Variants in ZNF680 observed in about 807,000 individuals in gnomAD.
ZNF680 encodes zinc finger protein 680.
ZNF680 carries 6 observed loss-of-function variants against 12.1 expected under a neutral mutation model. The observed-to-expected ratio is 0.49, with a 90% CI of 0.27 to 0.98. The LOEUF is 0.98. Ranked by LOEUF, ZNF680 falls within the 50% of genes least tolerant of loss-of-function variation. ZNF680 has a pLI of 0.12. For missense variants in ZNF680, 561 were observed against 616.3 expected (o/e 0.91, Z 0.95); for synonymous variants, 170 against 199.3 (o/e 0.85, Z 1.24).
At chr7:64,510,056 T>C in the ZNF680 span, among the ~76,000 whole-genome samples, 1 of 149,752 alleles carries the variant, frequency 6.7e-6, no homozygotes, top group Non-Finnish European at 1.5e-5. Flanking sequence ...TTATATTCTC[T>C]TGCATAAGGG....
At chr7:64,558,232 G>T (rs961876813) in intron 1 of ZNF680, among the ~76,000 whole-genome samples, 5 of 152,084 alleles carry the variant, frequency 3.3e-5, no homozygotes, top group Non-Finnish European at 5.9e-5. Flanking sequence ...ATATGCAGGA[G>T]ACTATAAACA....
At chr7:64,548,105 T>C (rs1219494953) in intron 1 of ZNF680, among the ~76,000 whole-genome samples, 1 of 152,222 alleles carries the variant, frequency 6.6e-6, no homozygotes, top group Non-Finnish European at 1.5e-5. Context: ...TTTTCTAAGC[T>C]TACCTAAGAG....
At chr7:64,528,842 C>T (rs1052946604) in intron 3 of ZNF680, among the ~76,000 whole-genome samples, 1 of 152,150 alleles carries the variant, frequency 6.6e-6, no homozygotes, top group African/African-American at 2.4e-5. Flanking sequence ...CTGGAAAGCA[C>T]CACTTCCCAG....
intron 1 of ZNF680, among the ~76,000 whole-genome samples, chr7:64,561,814 A>G (rs1787752389): frequency 6.6e-6 from 1 of 151,628 alleles, no homozygotes; most frequent in Non-Finnish European, 1.5e-5. Context: ...GGGCGCCTGT[A>G]GTCCCAGCTA....
chr7:64,503,827 C>A, the ZNF680 span, among the ~76,000 whole-genome samples: 3 of 152,178 alleles, frequency 2.0e-5, no homozygotes, highest in African/African-American at 4.8e-5. Context: ...CCACACATCA[C>A]TTCCACTCAC....
chr7:64,533,198 T>C (rs1158260642), intron 3 of ZNF680, among the ~76,000 whole-genome samples: 2 of 152,130 alleles, frequency 1.3e-5, no homozygotes, highest in Admixed American at 6.6e-5. Flanking sequence ...ATAAAGGGCA[T>C]CCAAATCAGT....
At position 64,562,955 on chromosome 7, in the gene ZNF680, C is replaced by T. The variant is rs761773209; in HGVS notation, c.-1G>A. The T allele has an allele frequency of 1.9e-6, 3 of 1,613,730 alleles. No homozygotes were observed. The East Asian group carries it at 6.7e-5, about 36-fold the overall frequency. ...CTAGGCTTCCAGGTGGTCCTGGCAT[C>T]TTAGCTGTGCATCTCCCAATACCTG... On this transcript the variant is annotated 5_prime_UTR_variant, in exon 1 of 4. Coordinates refer to ENST00000309683, the MANE Select transcript of ZNF680 (RefSeq NM_178558.5).
At chr7:64,554,587 T>C (rs996258247) in intron 1 of ZNF680, among the ~76,000 whole-genome samples, 2 of 152,108 alleles carry the variant, frequency 1.3e-5, no homozygotes, top group African/African-American at 4.8e-5. Context: ...AGAGATCGGA[T>C]TGTTTCTGTG....
downstream of ZNF680, among the ~76,000 whole-genome samples, chr7:64,516,711 T>C (rs968696562): frequency 1.3e-5 from 2 of 152,086 alleles, no homozygotes; most frequent in African/African-American, 2.4e-5. Context: ...ACAGAACATA[T>C]GATAGGCCAA....
chr7:64,553,622 C>G (rs901626484), intron 1 of ZNF680, among the ~76,000 whole-genome samples: 2 of 152,242 alleles, frequency 1.3e-5, no homozygotes, highest in Admixed American at 6.5e-5. Flanking sequence ...TCTCCTGTCT[C>G]CCTCTGATGC....
intron 3 of ZNF680, among the ~76,000 whole-genome samples, chr7:64,541,049 CAAT>C (rs1480966856): frequency 1.3e-5 from 2 of 152,032 alleles, no homozygotes; most frequent in African/African-American, 2.4e-5. Context: ...AGAAGCAAAA[CAAT>C]AGTCTTGCAT....
At chr7:64,547,586 A>G (rs1786851459) in intron 1 of ZNF680, among the ~76,000 whole-genome samples, 1 of 152,188 alleles carries the variant, frequency 6.6e-6, no homozygotes, top group African/African-American at 2.4e-5. Context: ...ATCTCAGGAT[A>G]AAGAGCCCAG....
chr7:64,512,876 C>CT, the ZNF680 span, among the ~76,000 whole-genome samples: 1 of 151,882 alleles, frequency 6.6e-6, no homozygotes, highest in African/African-American at 2.4e-5. Context: ...GCTGTGGTAC[C>CT]TTTCAGTTTA....
chr7:64,552,612 G>C (rs904919989), intron 1 of ZNF680, among the ~76,000 whole-genome samples: 5 of 152,036 alleles, frequency 3.3e-5, no homozygotes, highest in African/African-American at 9.7e-5. Context: ...TTGGTAATAA[G>C]TTTTATTTGG....
chr7:64,534,766 G>A (rs1266948076), intron 3 of ZNF680, among the ~76,000 whole-genome samples: 2 of 152,176 alleles, frequency 1.3e-5, no homozygotes, highest in Admixed American at 1.3e-4. Flanking sequence ...CAACCCAAAT[G>A]CCCATCAATC....
intron 1 of ZNF680, among the ~76,000 whole-genome samples, chr7:64,554,196 C>T (rs1443787133): frequency 1.3e-5 from 2 of 150,810 alleles, no homozygotes; most frequent in Middle Eastern, 3.4e-3. Flanking sequence ...TCTGCCCCGC[C>T]GCCCCGTCTG....
At chr7:64,523,727 C>G (rs7793429) in intron 3 of ZNF680, among the ~76,000 whole-genome samples, 34,202 of 151,622 alleles carry the variant, frequency 0.23, 4,049 homozygotes, top group South Asian at 0.28. Flanking sequence ...TCCTGGCTAA[C>G]ATGGTGAAAC....
Position 64,547,312 on chromosome 7 carries a change from T to C in ZNF680, c.31-2880A>G, listed in dbSNP as rs73130771. Among the ~76,000 whole-genome samples the C allele has an allele frequency of 6.8e-3, 1,038 of 152,312 alleles. 11 individuals are homozygous for C. Among genetic ancestry groups the C allele is most frequent in the South Asian group, 0.039 (187 of 4,826 alleles). On this transcript the variant is annotated intron_variant, in intron 1 of 3. Transcript: ENST00000309683. ...ACAGACTCCCTTAAACTCAGCACTC[T>C]TGTCACAACACAAATAAAGACAACC... is the stretch of plus-strand genomic sequence containing the variant.
rs1787340634 is a variant in ZNF680, at chr7:64,555,180, A to C, written c.30+7745T>G. ...TCAACACTTGGACAAACAGTCCTAC[A>C]AAACTCTTAATCTAAAAACAACATA... On this transcript the variant is annotated intron_variant, in intron 1 of 3. Transcript: ENST00000309683. Among the ~76,000 whole-genome samples the C allele has an allele frequency of 2.0e-5, 3 of 152,168 alleles. No individual in the cohort carries two copies. The South Asian group carries it at 6.2e-4, about 31-fold the overall frequency.
Sources: allele counts gnomAD v4.1 joint callset (sites outside exome capture counted in the v4.1 genomes callset), GRCh38; gene constraint gnomAD v4.1.1; transcripts MANE v1.5; gene names NCBI Gene and HGNC (gene_info 2026-07-23, HGNC 2026-07-21).